Variants in CADM2 observed in about 807,000 individuals in gnomAD.
CADM2 encodes cell adhesion molecule 2.
A neutral mutation model predicts 49.8 loss-of-function variants in CADM2; 12 were observed. That is an observed-to-expected ratio of 0.24 (90% CI 0.15 to 0.39). The LOEUF (loss-of-function observed/expected upper bound fraction) is 0.39. Ranked by LOEUF, CADM2 falls within the 10% of genes least tolerant of loss-of-function variation. CADM2 has a pLI of 1.00. For synonymous variants in CADM2, 214 were observed against 175.4 expected, an observed-to-expected ratio of 1.22 and a Z score of -1.74; for missense variants, 378 against 492.3, an observed-to-expected ratio of 0.77 and a Z score of 2.20.
chr3:85,293,121 A>G (rs1318659353), intron 1 of CADM2, among the ~76,000 whole-genome samples: 2 of 152,230 alleles, frequency 1.3e-5, no homozygotes, highest in Admixed American at 6.5e-5. Context: ...CACTGATCCC[A>G]CAGAAATACA....
chr3:85,443,078 C>A (rs1389954577), intron 1 of CADM2, among the ~76,000 whole-genome samples: 1 of 151,952 alleles, frequency 6.6e-6, no homozygotes, highest in Admixed American at 6.6e-5. Flanking sequence ...TAAACCAATA[C>A]ACTTAATTGT....
intron 1 of CADM2, among the ~76,000 whole-genome samples, chr3:85,079,611 TA>T (rs1158707200): frequency 1.3e-5 from 2 of 151,814 alleles, no homozygotes; most frequent in African/African-American, 2.4e-5. Context: ...CGTATAATAA[TA>T]AGACAATGCT....
intron 1 of CADM2, among the ~76,000 whole-genome samples, chr3:85,138,019 C>A (rs1351574001): frequency 1.3e-5 from 2 of 151,944 alleles, no homozygotes; most frequent in African/African-American, 2.4e-5. Flanking sequence ...GTAATGCTTT[C>A]TATGTTGACC....
chr3:85,727,110 G>T (rs2067732675), intron 2 of CADM2, among the ~76,000 whole-genome samples: 1 of 151,958 alleles, frequency 6.6e-6, no homozygotes, highest in Non-Finnish European at 1.5e-5. Flanking sequence ...AAGTATTTTG[G>T]CTCCATGTGT....
intron 1 of CADM2, among the ~76,000 whole-genome samples, chr3:85,119,191 C>T (rs1314649680): frequency 6.6e-6 from 1 of 152,106 alleles, no homozygotes; most frequent in East Asian, 1.9e-4. Flanking sequence ...GTGGGCTGAT[C>T]ACTTGAGCCC....
chr3:85,158,344 T>G (rs959010765), intron 1 of CADM2, among the ~76,000 whole-genome samples: 2 of 152,218 alleles, frequency 1.3e-5, no homozygotes, highest in Admixed American at 1.3e-4. Flanking sequence ...TTACTGGGTA[T>G]ATACCCAAAG....
intron 1 of CADM2, among the ~76,000 whole-genome samples, chr3:85,554,185 A>G (rs940956576): frequency 6.6e-5 from 10 of 152,144 alleles, no homozygotes; most frequent in African/African-American, 1.9e-4. Context: ...ACCCCACATC[A>G]TCAGGCATTA....
intron 6 of CADM2, among the ~76,000 whole-genome samples, chr3:85,918,744 C>T (rs1008343889): frequency 4.6e-5 from 7 of 152,046 alleles, no homozygotes; most frequent in African/African-American, 1.7e-4. Flanking sequence ...GAAGAGGAAA[C>T]TTCACAACTG....
rs553951220 is a variant in CADM2 at position 85,273,590 on chromosome 3, C to A, written c.61+313922C>A. Among the ~76,000 whole-genome samples the A allele has an allele frequency of 2.6e-5, 4 of 151,248 alleles. 1 individual carries two copies. Among genetic ancestry groups the A allele is most frequent in the African/African-American group, 9.7e-5 (4 of 41,342 alleles). Reference sequence around the variant, plus strand: ...GAAATATTAAAGCGAAGGAGGACCCCCCCCAAATTTTGATCTGAGCACCTA... The same window carrying A: ...GAAATATTAAAGCGAAGGAGGACCCACCCCAAATTTTGATCTGAGCACCTA... On this transcript the variant is annotated intron_variant, in intron 1 of 9. Transcript: ENST00000383699.
chr3:85,378,319 C>A (rs570973135), intron 1 of CADM2, among the ~76,000 whole-genome samples: 2 of 151,968 alleles, frequency 1.3e-5, no homozygotes, highest in South Asian at 4.1e-4. Flanking sequence ...ATGTTTGGCA[C>A]CTAAATATCT....
intron 1 of CADM2, among the ~76,000 whole-genome samples, chr3:85,358,784 T>C (rs1344200800): frequency 6.6e-6 from 1 of 152,168 alleles, no homozygotes; most frequent in African/African-American, 2.4e-5. Flanking sequence ...AAGAGTATAA[T>C]ACATACGTGG....
chr3:84,976,351 AAGTT>A (rs1293487590), intron 1 of CADM2, among the ~76,000 whole-genome samples: 3 of 151,700 alleles, frequency 2.0e-5, no homozygotes, highest in African/African-American at 7.2e-5. Flanking sequence ...ATATTATAGA[AAGTT>A]AAATAAGACT....
chr3:85,582,955 T>G (rs2107304140), intron 1 of CADM2, among the ~76,000 whole-genome samples: 1 of 152,184 alleles, frequency 6.6e-6, no homozygotes, highest in African/African-American at 2.4e-5. Context: ...AGGGTGGTAA[T>G]AATACCTACC....
chr3:85,917,573 T>C (rs1718525800), intron 6 of CADM2, among the ~76,000 whole-genome samples: 1 of 152,190 alleles, frequency 6.6e-6, no homozygotes, highest in Non-Finnish European at 1.5e-5. Context: ...TACTGTAGCC[T>C]TGTAGTATAG....
intron 1 of CADM2, among the ~76,000 whole-genome samples, chr3:85,165,532 T>C (rs192843780): frequency 5.3e-5 from 8 of 151,994 alleles, no homozygotes; most frequent in Non-Finnish European, 1.0e-4. Flanking sequence ...GGGTTTACAT[T>C]TTTAATATGT....
chr3:85,060,040 C>A (rs770029891), intron 1 of CADM2, among the ~76,000 whole-genome samples: 25 of 152,196 alleles, frequency 1.6e-4, no homozygotes, highest in Non-Finnish European at 3.2e-4. Context: ...CGATTTCAGT[C>A]TTTCTGATCT....
intron 2 of CADM2, among the ~76,000 whole-genome samples, chr3:85,759,125 A>G (rs1248365446): frequency 6.6e-6 from 1 of 152,056 alleles, no homozygotes; most frequent in Non-Finnish European, 1.5e-5. Flanking sequence ...TTAAAATAAT[A>G]AATGTATGGA....
At chr3:85,890,212 G>T (rs749011959) in intron 5 of CADM2, among the ~76,000 whole-genome samples, 3 of 151,984 alleles carry the variant, frequency 2.0e-5, no homozygotes, top group Non-Finnish European at 2.9e-5. Flanking sequence ...GGGGTTTAGG[G>T]GAAGGGTAGA....
At chr3:85,693,894 T>TAA (rs533492777) in intron 1 of CADM2, among the ~76,000 whole-genome samples, 2 of 76,490 alleles carry the variant, frequency 2.6e-5, no homozygotes, top group African/African-American at 1.0e-4. Context: ...AGACTCCCTC[T>TAA]AAAAAAAAAA....
Sources: gnomAD v4.1 joint callset for allele counts (sites outside exome capture counted in the v4.1 genomes callset) on GRCh38, gnomAD v4.1.1 for gene constraint, MANE v1.5 for transcripts, NCBI Gene and HGNC (gene_info 2026-07-23, HGNC 2026-07-21) for gene names.